The following ANO5 variants were observed in gnomAD, a reference collection of about 807,000 sequenced individuals.
The protein encoded by ANO5 is anoctamin-5.
In ANO5, 109 loss-of-function variants were observed where a neutral mutation model predicts 121.0. That is an observed-to-expected ratio of 0.90 (90% CI 0.77 to 1.06). The LOEUF (loss-of-function observed/expected upper bound fraction) is 1.06, where lower values mean the gene tolerates loss of function less well. ANO5 is among the 50% of genes least tolerant of loss of function. The pLI is 0.00. For synonymous variants in ANO5, 406 were observed against 359.9 expected, an observed-to-expected ratio of 1.13 and a Z score of -1.45; for missense variants, 1,064 against 1,078.5, an observed-to-expected ratio of 0.99 and a Z score of 0.19.
chr11:22,212,972 A>G (rs2133558466), intron 3 of ANO5, among the ~76,000 whole-genome samples: 1 of 151,518 alleles, frequency 6.6e-6, no homozygotes, highest in South Asian at 2.1e-4. Flanking sequence ...ATGATGTATG[A>G]TATTTGATTC....
upstream of ANO5, chr11:22,193,033 T>G: frequency 2.0e-6 from 2 of 1,008,770 alleles, no homozygotes; most frequent in Non-Finnish European, 2.4e-6. Flanking sequence ...GAAAGAGGCG[T>G]GGAAACAGGG....
chr11:22,264,109 C>T (rs1451269403), intron 17 of ANO5, among the ~76,000 whole-genome samples: 1 of 150,854 alleles, frequency 6.6e-6, no homozygotes, highest in Non-Finnish European at 1.5e-5. Flanking sequence ...CTGCAACCTC[C>T]ACCTCCTGGG....
Position 22,257,687 on chromosome 11 carries a change from A to T in ANO5, c.1340A>T (p.Glu447Val). Residue 447 changes from glutamate (E) to valine (V), a missense_variant, in exon 14 of 22, where the codon GAA becomes GTA. Coordinates refer to ENST00000324559, the MANE Select transcript of ANO5 (RefSeq NM_213599.3). ...RKLNAVTKEMEPYMPLYTRIP... is the reference protein window; with the variant it reads ...RKLNAVTKEMVPYMPLYTRIP... The stretch of plus-strand genomic sequence containing the variant: ...ATTTCTTCAATATTACAGGAGATGG[A>T]ACCTTACATGCCTCTATACACGCGT... The T allele has an allele frequency of 6.2e-7, 1 of 1,610,742 alleles. No homozygotes were observed.
intron 20 of ANO5, 101 bp from the exon 21 acceptor site, chr11:22,275,993 A>G (rs1854825566): frequency 2.9e-5 from 23 of 786,844 alleles, no homozygotes; most frequent in Non-Finnish European, 4.5e-5. Context: ...CTGATCAACT[A>G]GAAAGGTCTG....
intron 1 of ANO5, among the ~76,000 whole-genome samples, chr11:22,197,685 G>T (rs181913605): frequency 6.6e-6 from 1 of 152,268 alleles, no homozygotes; most frequent in Admixed American, 6.5e-5. Flanking sequence ...CTATTTTTGG[G>T]CTGTGGATTT....
At chr11:22,253,935 C>T (rs1853909594) in intron 12 of ANO5, among the ~76,000 whole-genome samples, 1 of 152,118 alleles carries the variant, frequency 6.6e-6, no homozygotes, top group Non-Finnish European at 1.5e-5. Context: ...AATAAGCATA[C>T]TTTAAAGTTT....
intron 3 of ANO5, among the ~76,000 whole-genome samples, chr11:22,212,161 C>T (rs1044766777): frequency 2.6e-5 from 4 of 151,700 alleles, no homozygotes; most frequent in Admixed American, 1.3e-4. Context: ...TATTTTACCA[C>T]GAGAACACAT....
Position 22,202,484 on chromosome 11 carries a change from G to T in ANO5, c.41-1320G>T, listed in dbSNP as rs551986442. ...AAATTTTTTTTTGACTTATACAATT[G>T]CTTTATTTTATTATTTTTTACTTAT... On this transcript the variant is annotated intron_variant, in intron 1 of 21. Transcript: ENST00000324559. Among the ~76,000 whole-genome samples, 13 of 152,040 alleles carry T rather than the reference G, an allele frequency of 8.6e-5. No individual in the cohort carries two copies. In the South Asian group the frequency reaches 1.7e-3, roughly 19 times the overall value.
intron 3 of ANO5, among the ~76,000 whole-genome samples, chr11:22,213,467 A>G (rs1852346008): frequency 6.6e-6 from 1 of 151,300 alleles, no homozygotes; most frequent in African/African-American, 2.4e-5. Flanking sequence ...TTAGACTTGG[A>G]TTATATGTTT....
intron 21 of ANO5, among the ~76,000 whole-genome samples, 196 bp from the exon 22 acceptor site, chr11:22,279,348 A>G (rs1287987749): frequency 1.3e-5 from 2 of 151,876 alleles, no homozygotes; most frequent in Admixed American, 6.6e-5. Context: ...TGCTAGTTAC[A>G]TATTTAAGTA....
chr11:22,236,701 T>G (rs1016863797), intron 8 of ANO5, among the ~76,000 whole-genome samples: 1 of 152,198 alleles, frequency 6.6e-6, no homozygotes, highest in Non-Finnish European at 1.5e-5. Context: ...TTCAATTATA[T>G]GTAAAGCATT....
At chr11:22,209,841 G>C (rs1852224088) in intron 2 of ANO5, among the ~76,000 whole-genome samples, 1 of 145,728 alleles carries the variant, frequency 6.9e-6, no homozygotes, top group South Asian at 2.3e-4. Flanking sequence ...GGTTGCTTTT[G>C]AATATATGGT....
At position 22,238,609 on chromosome 11, in the gene ANO5, T is replaced by C. The variant is rs182513364; in HGVS notation, c.763-960T>C. Among the ~76,000 whole-genome samples, 272 of 152,240 alleles carry C rather than the reference T, an allele frequency of 1.8e-3. 3 individuals carry two copies. The highest frequency in any genetic ancestry group is 6.1e-3 in the African/African-American group (252 of 41,572). On this transcript the variant is annotated intron_variant, in intron 8 of 21. Transcript: ENST00000324559. ...CACATAGGCTGCTTTTTTGGTTGTT[T>C]AATTTCTTAAGATTCAGTTGGATTA...
At chr11:22,214,962 G>A (rs1389479509) in intron 3 of ANO5, among the ~76,000 whole-genome samples, 1 of 151,940 alleles carries the variant, frequency 6.6e-6, no homozygotes, top group Non-Finnish European at 1.5e-5. Context: ...AAAAGTGAAT[G>A]AGTACCTAAA....
chr11:22,227,667 C>T (rs1169367304), intron 7 of ANO5, 81 bp downstream of exon 7: 36 of 1,528,420 alleles, frequency 2.4e-5, no homozygotes, highest in Non-Finnish European at 2.6e-5. Context: ...GTGCAGATGT[C>T]GTACCATTTC....
chr11:22,253,379 C>T (rs1196433907), intron 12 of ANO5, among the ~76,000 whole-genome samples: 1 of 152,046 alleles, frequency 6.6e-6, no homozygotes, highest in Non-Finnish European at 1.5e-5. Flanking sequence ...TTTCTTATTT[C>T]TACTTCAGCA....
chr11:22,203,134 C>T (rs1019255228), intron 1 of ANO5, among the ~76,000 whole-genome samples: 2 of 152,060 alleles, frequency 1.3e-5, no homozygotes, highest in Non-Finnish European at 2.9e-5. Context: ...AAAGTGCTAA[C>T]ATTTTATGTG....
chr11:22,200,388 T>C (rs77497391), intron 1 of ANO5, among the ~76,000 whole-genome samples: 1 of 152,154 alleles, frequency 6.6e-6, no homozygotes, highest in Admixed American at 6.5e-5. Context: ...TACCTTGCAA[T>C]GTAAAGTACT....
At chr11:22,238,278 G>GTT (rs377518041) in intron 8 of ANO5, among the ~76,000 whole-genome samples, 3,756 of 136,798 alleles carry the variant, frequency 0.027, 130 homozygotes, top group African/African-American at 0.085. Flanking sequence ...AGACCTCATA[G>GTT]TTTTTTTTTT....
Sources: allele counts gnomAD v4.1 joint callset (sites outside exome capture counted in the v4.1 genomes callset), GRCh38; gene constraint gnomAD v4.1.1; transcripts MANE v1.5; gene names NCBI Gene and HGNC (gene_info 2026-07-23, HGNC 2026-07-21).